Variants in CEP350 observed in about 807,000 individuals in gnomAD.
CEP350 encodes the protein centrosome-associated protein 350.
A neutral mutation model predicts 331.8 loss-of-function variants in CEP350; 126 were observed. The observed-to-expected ratio is 0.38, with a 90% CI of 0.33 to 0.44. CEP350 has a LOEUF of 0.44. Among genes scored for constraint, CEP350 ranks in the 20% least tolerant of loss-of-function variants. The pLI is 1.00. For missense variants in CEP350, 3,406 were observed against 3,634.6 expected (o/e 0.94, Z 1.62); for synonymous variants, 1,200 against 1,259.5 (o/e 0.95, Z 1.00).
intron 1 of CEP350, among the ~76,000 whole-genome samples, chr1:179,979,863 A>T (rs1171694810): frequency 6.6e-6 from 1 of 151,430 alleles, no homozygotes; most frequent in Non-Finnish European, 1.5e-5. Context: ...AAATACATGG[A>T]TGTTCTCTGT....
chr1:180,054,024 T>G, intron 24 of CEP350, 90 bp downstream of exon 24: 1 of 1,023,204 alleles, frequency 9.8e-7, no homozygotes, highest in Non-Finnish European at 1.4e-6. Flanking sequence ...CTCATTTCAT[T>G]TGATTAGAGC....
intron 31 of CEP350, among the ~76,000 whole-genome samples, chr1:180,086,821 C>T (rs548824745): frequency 6.6e-6 from 1 of 151,998 alleles, no homozygotes; most frequent in African/African-American, 2.4e-5. Context: ...TTTAGGGAAC[C>T]GTAGCAGTTG....
At chr1:179,983,285 A>C (rs1652419596) in intron 1 of CEP350, among the ~76,000 whole-genome samples, 1 of 151,874 alleles carries the variant, frequency 6.6e-6, no homozygotes, top group Non-Finnish European at 1.5e-5. Context: ...CTCAGGCTGG[A>C]GTGCAGTGGT....
rs977830079 is a variant in CEP350 at position 180,041,049 on chromosome 1, G to C, written c.4111-89G>C. On this transcript the variant is annotated intron_variant, in intron 17 of 37. Coordinates refer to ENST00000367607, the MANE Select transcript of CEP350 (RefSeq NM_014810.5). Reference sequence around the variant, plus strand: ...TCTAATTAGTTGCTTCAAATGATTTGTATTAGTAAGATAGCATTGTGTGTG... The same window carrying C: ...TCTAATTAGTTGCTTCAAATGATTTCTATTAGTAAGATAGCATTGTGTGTG... The C allele has an allele frequency of 2.2e-5, 21 of 940,706 alleles. No individual in the cohort carries two copies. The East Asian group carries it at 3.1e-4, about 14-fold the overall frequency. The allele number at this position is 940,706 out of a possible 1,614,324, so 58.3% of individuals were successfully genotyped here.
At chr1:180,022,972 T>G in intron 13 of CEP350, 124 bp downstream of exon 13, 1 of 820,324 alleles carries the variant, frequency 1.2e-6, no homozygotes, top group Non-Finnish European at 1.8e-6. Flanking sequence ...CTGCACATCA[T>G]AGTGGAGATC....
At chr1:180,100,918 C>T (rs994587241) in intron 37 of CEP350, among the ~76,000 whole-genome samples, 4 of 152,194 alleles carry the variant, frequency 2.6e-5, no homozygotes, top group African/African-American at 9.6e-5. Flanking sequence ...CCCTCCCACA[C>T]ACGTGGGAAT....
chr1:180,026,548 G>A (rs923876232), intron 14 of CEP350, among the ~76,000 whole-genome samples: 1 of 152,116 alleles, frequency 6.6e-6, no homozygotes, highest in African/African-American at 2.4e-5. Context: ...ATTGTTGCAA[G>A]CATCACCACT....
chr1:180,076,519 C>G (rs954195680), intron 28 of CEP350, among the ~76,000 whole-genome samples: 1 of 152,002 alleles, frequency 6.6e-6, no homozygotes, highest in Admixed American at 6.6e-5. Flanking sequence ...CATTTGTGGG[C>G]CAGACACACC....
chr1:180,099,747 A>T, intron 37 of CEP350, among the ~76,000 whole-genome samples: 1 of 143,832 alleles, frequency 7.0e-6, no homozygotes, highest in African/African-American at 2.7e-5. Context: ...TTTGCTTAGT[A>T]TTTTATAGTT....
chr1:180,054,531 C>T (rs778285786), intron 25 of CEP350, 29 bp downstream of exon 25: 7 of 1,505,614 alleles, frequency 4.6e-6, no homozygotes, highest in Non-Finnish European at 6.4e-6. Flanking sequence ...CCCTTTAGGA[C>T]AGCTTATAAG....
rs1038356233 is a variant in CEP350, at chr1:180,093,678, T to C, written c.7573T>C (p.Phe2525Leu). The C allele has an allele frequency of 1.8e-5, 29 of 1,613,766 alleles. No individual in the cohort carries two copies. The highest frequency in any genetic ancestry group is 5.3e-5 in the African/African-American group (4 of 74,888). ...FKGETSFAKG[F>L]WAGVELDKPE... is the part of the protein sequence containing the mutation. ...AGGTGAGACTAGTTTTGCTAAAGGA[T>C]TTTGGGCCGGAGTGGAGTTAGATAA... is the stretch of plus-strand genomic sequence containing the variant. Residue 2525 changes from phenylalanine (F) to leucine (L), a missense_variant, in exon 34 of 38, where the codon TTT becomes CTT. Transcript: ENST00000367607.
intron 7 of CEP350, among the ~76,000 whole-genome samples, chr1:180,004,889 TGC>T (rs1491539150): frequency 0.022 from 1,275 of 56,984 alleles, 20 homozygotes; most frequent in African/African-American, 0.06. Flanking sequence ...CTTGCTTGCT[TGC>T]TTGCTTGCTT....
intron 17 of CEP350, among the ~76,000 whole-genome samples, chr1:180,039,356 C>G (rs189956153): frequency 1.3e-5 from 2 of 151,968 alleles, no homozygotes; most frequent in Non-Finnish European, 2.9e-5. Context: ...CCCTAAGATA[C>G]TAAGATATCT....
At chr1:180,045,286 G>A (rs879662668) in intron 21 of CEP350, among the ~76,000 whole-genome samples, 4 of 152,202 alleles carry the variant, frequency 2.6e-5, no homozygotes, top group Non-Finnish European at 1.5e-5. Flanking sequence ...AGGTTGCAGC[G>A]AGCCAAGATC....
chr1:180,003,143 A>C, intron 6 of CEP350, 31 bp from the exon 7 acceptor site: 7 of 1,353,280 alleles, frequency 5.2e-6, no homozygotes, highest in African/African-American at 1.5e-5. Context: ...CAACTTTGAT[A>C]AGAATATTCT....
chr1:180,082,049 T>G (rs1021259942), intron 30 of CEP350, among the ~76,000 whole-genome samples: 1 of 152,258 alleles, frequency 6.6e-6, no homozygotes, highest in African/African-American at 2.4e-5. Context: ...TGGGTTCTTA[T>G]CCTGGATCTC....
intron 22 of CEP350, among the ~76,000 whole-genome samples, chr1:180,052,496 G>A (rs1419362980): frequency 2.0e-5 from 3 of 152,118 alleles, no homozygotes; most frequent in African/African-American, 7.2e-5. Context: ...AAAGGATGCA[G>A]GACCATGGCA....
At chr1:180,049,032 C>T (rs903519146) in intron 22 of CEP350, among the ~76,000 whole-genome samples, 3 of 152,070 alleles carry the variant, frequency 2.0e-5, no homozygotes, top group Non-Finnish European at 4.4e-5. Flanking sequence ...TGAGACATAG[C>T]ACTGCAGCTT....
At chr1:180,078,236 A>G (rs1332609386) in intron 28 of CEP350, among the ~76,000 whole-genome samples, 1 of 152,240 alleles carries the variant, frequency 6.6e-6, no homozygotes, top group East Asian at 1.9e-4. Flanking sequence ...CAAGACTTCT[A>G]AGGTGTAGTG....
Sources: gnomAD v4.1 joint callset for allele counts (sites outside exome capture counted in the v4.1 genomes callset) on GRCh38, gnomAD v4.1.1 for gene constraint, MANE v1.5 for transcripts, NCBI Gene and HGNC (gene_info 2026-07-23, HGNC 2026-07-21) for gene names.